Variants in IGF2R observed in about 807,000 individuals in gnomAD.
IGF2R encodes the protein cation-independent mannose-6-phosphate receptor.
IGF2R carries 91 observed loss-of-function variants against 270.6 expected under a neutral mutation model. The observed-to-expected ratio is 0.34, with a 90% CI of 0.28 to 0.40. IGF2R has a LOEUF of 0.40. Ranked by LOEUF, IGF2R falls within the 10% of genes least tolerant of loss-of-function variation. IGF2R has a pLI of 1.00. For missense variants in IGF2R, 2,805 were observed against 3,188.3 expected (o/e 0.88, Z 2.90); for synonymous variants, 1,316 against 1,258.9 (o/e 1.05, Z -0.96).
chr6:159,986,986 C>T (rs1351167779), intron 1 of IGF2R, among the ~76,000 whole-genome samples: 6 of 152,122 alleles, frequency 3.9e-5, no homozygotes. Context: ...GATATCATTA[C>T]ATTTTATTTA....
intron 1 of IGF2R, among the ~76,000 whole-genome samples, chr6:159,978,684 C>G (rs866618388): frequency 6.8e-6 from 1 of 146,856 alleles, no homozygotes; most frequent in Non-Finnish European, 1.5e-5. Context: ...TTTAGGTTTT[C>G]GAGGTGCCCA....
In IGF2R at chr6:160,107,822, C is replaced by G. The variant is rs991775025; in HGVS notation, c.*2738C>G. On this transcript the variant is annotated 3_prime_UTR_variant, in exon 48 of 48. Coordinates refer to ENST00000356956, the MANE Select transcript of IGF2R (RefSeq NM_000876.4). The stretch of plus-strand genomic sequence containing the variant: ...AGGAAGGAACATATAGACATACAGA[C>G]AGGAGACAACATATAGACATTAGAA... The G allele has an allele frequency of 6.6e-6, 1 of 152,198 alleles. No individual in the cohort carries two copies. Among genetic ancestry groups the G allele is most frequent in the Non-Finnish European group, 1.5e-5 (1 of 68,044 alleles). The allele number at this position is 152,198 out of a possible 1,614,324, so 9.4% of individuals were successfully genotyped here.
chr6:160,092,358 G>A (rs1779246071), intron 44 of IGF2R, among the ~76,000 whole-genome samples: 1 of 152,234 alleles, frequency 6.6e-6, no homozygotes, highest in African/African-American at 2.4e-5. Flanking sequence ...ACGCTCCATC[G>A]CGCAGCACTG....
intron 41 of IGF2R, among the ~76,000 whole-genome samples, chr6:160,086,405 A>G (rs73023700): frequency 0.023 from 3,524 of 152,220 alleles, 50 homozygotes; most frequent in Non-Finnish European, 0.036. Flanking sequence ...CCGCTTAGGG[A>G]ATGGACCCCT....
chr6:159,986,430 GTTTTTTTT>G (rs5741634), intron 1 of IGF2R, among the ~76,000 whole-genome samples: 48 of 116,832 alleles, frequency 4.1e-4, no homozygotes, highest in African/African-American at 1.4e-3. Context: ...GTGTGTGTGT[GTTTTTTTT>G]TTTTTTTTAA....
intron 9 of IGF2R, 52 bp downstream of exon 9, chr6:160,033,159 T>C (rs1454292618): frequency 7.0e-7 from 1 of 1,427,218 alleles, no homozygotes; most frequent in African/African-American, 1.4e-5. Flanking sequence ...TTTCTTGAGA[T>C]AGGGTTGCAC....
chr6:160,045,728 C>G lies in IGF2R; in HGVS notation c.1766-17C>G. The G allele has an allele frequency of 6.2e-7, 1 of 1,614,046 alleles. No individual in the cohort carries two copies. Among genetic ancestry groups the G allele is most frequent in the Non-Finnish European group, 8.5e-7 (1 of 1,179,924 alleles). ...ATGAACGGATTAGTGATCCCCATCT[C>G]TTTTCCCCATTGACAGGTGATCTGG... On this transcript the variant is annotated splice_polypyrimidine_tract_variant and intron_variant, in intron 13 of 47. Coordinates refer to ENST00000356956, the MANE Select transcript of IGF2R (RefSeq NM_000876.4).
intron 44 of IGF2R, among the ~76,000 whole-genome samples, chr6:160,092,797 A>C (rs1779256313): frequency 1.3e-5 from 2 of 152,084 alleles, no homozygotes; most frequent in Non-Finnish European, 2.9e-5. Flanking sequence ...GTGTGTGGAC[A>C]TGTCCGTCTC....
rs188231570 is a variant in IGF2R at position 160,081,778 on chromosome 6, C to T, written c.5833+1503C>T. On this transcript the variant is annotated intron_variant, in intron 39 of 47. Coordinates refer to ENST00000356956, the MANE Select transcript of IGF2R (RefSeq NM_000876.4). ...AGAATTCAGCGATATTTCTCTTACC[C>T]GTTTTCGGTAATAAGAGAAATATGG... Among the ~76,000 whole-genome samples the T allele has an allele frequency of 8.3e-3, 1,261 of 152,308 alleles. 15 individuals carry two copies. The highest frequency in any genetic ancestry group is 0.028 in the African/African-American group (1,151 of 41,568).
At chr6:160,068,942 G>A (rs772501272) in intron 30 of IGF2R, among the ~76,000 whole-genome samples, 20 of 152,290 alleles carry the variant, frequency 1.3e-4, no homozygotes, top group Admixed American at 3.9e-4. Context: ...CAGTGCTGAG[G>A]ACTGCTGGGA....
rs1454852784 is a variant in IGF2R at position 160,110,589 on chromosome 6, A to T, written c.*5505A>T. The T allele has an allele frequency of 6.6e-6, 1 of 152,266 alleles. No individual in the cohort carries two copies. Among genetic ancestry groups the T allele is most frequent in the Non-Finnish European group, 1.5e-5 (1 of 68,042 alleles). The allele number at this position is 152,266 out of a possible 1,614,324, so 9.4% of individuals were successfully genotyped here. On this transcript the variant is annotated 3_prime_UTR_variant, in exon 48 of 48. Transcript: ENST00000356956. ...GTGTATATCCAAAAGAAATGAAGTC[A>T]GTACCTTGAAGAGATCTCTGCAGCC...
Position 160,051,521 on chromosome 6 carries a change from A to G in IGF2R, c.2694+869A>G, listed in dbSNP as rs74894874. Among the ~76,000 whole-genome samples, 54 of 152,316 alleles carry G rather than the reference A, an allele frequency of 3.5e-4. No individual in the cohort carries two copies. In the East Asian group the frequency reaches 5.6e-3, roughly 16 times the overall value. On this transcript the variant is annotated intron_variant, in intron 19 of 47. Coordinates refer to ENST00000356956, the MANE Select transcript of IGF2R (RefSeq NM_000876.4). ...CTCAGGCAGCTTCTCAGCATGTCAA[A>G]GCACTGATCCTTGGGGTATTGCTTT...
intron 1 of IGF2R, among the ~76,000 whole-genome samples, chr6:159,979,154 C>T (rs1041419802): frequency 5.3e-5 from 8 of 152,270 alleles, no homozygotes; most frequent in East Asian, 1.9e-4. Flanking sequence ...TCCTTCAGAG[C>T]GGACCCACCA....
At chr6:160,064,776 T>C (rs1778525654) in intron 28 of IGF2R, 28 bp from the exon 29 acceptor site, 1 of 1,475,206 alleles carries the variant, frequency 6.8e-7, no homozygotes, top group African/African-American at 1.4e-5. Flanking sequence ...ATTCTCACTT[T>C]TATATATGTG....
At chr6:159,985,926 A>G (rs1236133023) in intron 1 of IGF2R, among the ~76,000 whole-genome samples, 3 of 152,204 alleles carry the variant, frequency 2.0e-5, no homozygotes, top group African/African-American at 7.2e-5. Flanking sequence ...ATGGTTTTGA[A>G]GAACCAGCGT....
Position 160,050,656 on chromosome 6 carries a change from A to G in IGF2R, c.2694+4A>G. ...CGTCTGCTCCAGGGGCAGGCTGGTA[A>G]GGCACTGCTGCTGGCTGGTGACCTT... On this transcript the variant is annotated splice_donor_region_variant and intron_variant, in intron 19 of 47. Transcript: ENST00000356956. This position sits in a 1 kb window ranked among gnomAD's most constrained non-coding sequence, Gnocchi z 4.0. 1 of 1,595,864 alleles carries G rather than the reference A, an allele frequency of 6.3e-7. No homozygotes were observed. The highest frequency in any genetic ancestry group is 8.6e-7 in the Non-Finnish European group (1 of 1,166,220).
intron 8 of IGF2R, 71 bp downstream of exon 8, chr6:160,032,784 G>A (rs2115233295): frequency 2.0e-6 from 3 of 1,535,060 alleles, no homozygotes; most frequent in Middle Eastern, 2.1e-4. Flanking sequence ...CGGGACAGTA[G>A]GGGCCAAGTC....
rs930690472 is a variant in IGF2R at position 160,110,463 on chromosome 6, A to G, written c.*5379A>G. 5 of 152,260 alleles carry G rather than the reference A, an allele frequency of 3.3e-5. 1 individual carries two copies. In the South Asian group the frequency reaches 1.0e-3, roughly 31 times the overall value. 9.4% of individuals were successfully genotyped at this position (152,260 alleles called of 1,614,324 possible). ...GGTGAGGATGTGGAGAAAAGCGAAC[A>G]CTTGTCCACCTTTGGTGAGAATGTA... On this transcript the variant is annotated 3_prime_UTR_variant, in exon 48 of 48. Coordinates refer to ENST00000356956, the MANE Select transcript of IGF2R (RefSeq NM_000876.4).
chr6:159,995,486 C>G (rs1473204190), intron 2 of IGF2R, among the ~76,000 whole-genome samples: 2 of 151,982 alleles, frequency 1.3e-5, no homozygotes, highest in South Asian at 2.1e-4. Flanking sequence ...TAATTGTTAA[C>G]TAGTTGCTTT....
Sources: gnomAD v4.1 joint callset for allele counts (sites outside exome capture counted in the v4.1 genomes callset) on GRCh38, gnomAD v4.1.1 for gene constraint, Gnocchi (gnomAD v3.1) non-coding constraint, MANE v1.5 for transcripts, NCBI Gene and HGNC (gene_info 2026-07-23, HGNC 2026-07-21) for gene names.